Variants in HSD17B13 observed in about 807,000 individuals in gnomAD.
The protein encoded by HSD17B13 is 17-beta-hydroxysteroid dehydrogenase 13.
A neutral mutation model predicts 31.1 loss-of-function variants in HSD17B13; 26 were observed. The ratio of observed to expected loss-of-function variants is 0.84; its 90% confidence interval spans 0.61 to 1.16. The LOEUF (loss-of-function observed/expected upper bound fraction) is 1.16, where lower values mean the gene tolerates loss of function less well. HSD17B13 is among the 50% of genes most tolerant of loss of function. The pLI is 0.00. For synonymous variants in HSD17B13, 141 were observed against 133.7 expected (o/e 1.05, Z -0.38); for missense variants, 374 against 366.5 (o/e 1.02, Z -0.17).
At chr4:87,305,871 A>G (rs1428247783) in intron 6 of HSD17B13, among the ~76,000 whole-genome samples, 4 of 152,216 alleles carry the variant, frequency 2.6e-5, no homozygotes, top group African/African-American at 4.8e-5. Flanking sequence ...TTCTGATTAC[A>G]GCATCAAGAC....
chr4:87,315,012 A>G (rs1054661063), intron 4 of HSD17B13, among the ~76,000 whole-genome samples: 2 of 152,252 alleles, frequency 1.3e-5, no homozygotes, highest in African/African-American at 2.4e-5. Flanking sequence ...TGCTCTCAGC[A>G]TTGTAATCTT....
intron 2 of HSD17B13, among the ~76,000 whole-genome samples, chr4:87,317,562 A>ATTTTTTTTTT (rs1560750190): frequency 4.9e-5 from 3 of 61,020 alleles, no homozygotes; most frequent in Non-Finnish European, 9.1e-5. Flanking sequence ...TTTTCTTTAA[A>ATTTTTTTTTT]CTTTTTTTTT....
chr4:87,306,297 G>A (rs1188640592), intron 6 of HSD17B13, among the ~76,000 whole-genome samples: 1 of 152,140 alleles, frequency 6.6e-6, no homozygotes, highest in Non-Finnish European at 1.5e-5. Flanking sequence ...GATTAATCTT[G>A]ATGCTAAAAG....
At chr4:87,318,990 G>A (rs945532950) in intron 1 of HSD17B13, among the ~76,000 whole-genome samples, 2 of 151,876 alleles carry the variant, frequency 1.3e-5, no homozygotes, top group African/African-American at 4.8e-5. Context: ...AGACCAGTCT[G>A]GCCAAAATGG....
chr4:87,315,755 T>C lies in HSD17B13; in HGVS notation c.451-156A>G, dbSNP rs553248554. Among the ~76,000 whole-genome samples the C allele has an allele frequency of 6.6e-5, 10 of 152,246 alleles. No individual in the cohort carries two copies. In the East Asian group the frequency reaches 1.7e-3, roughly 26 times the overall value. ...CATTCCATGATTAATTCTTTACAAA[T>C]GATAGAAATAAAGATACAAATTTAT... On this transcript the variant is annotated intron_variant, in intron 3 of 6. Coordinates refer to ENST00000328546, the MANE Select transcript of HSD17B13 (RefSeq NM_178135.5).
At position 87,305,152 on chromosome 4, in the gene HSD17B13, T is replaced by C. The variant is rs1734358977; in HGVS notation, c.*66A>G. ...ACTGAAAAAATGTGAAATAAAGCTT[T>C]GCAGCATTGATTCGAAACTATTCAT... On this transcript the variant is annotated 3_prime_UTR_variant, in exon 7 of 7. Transcript: ENST00000328546. The C allele has an allele frequency of 9.7e-7, 1 of 1,025,834 alleles. No homozygotes were observed. The highest frequency in any genetic ancestry group is 2.4e-5 in the Admixed American group (1 of 41,394). 63.5% of individuals were successfully genotyped at this position (1,025,834 alleles called of 1,614,324 possible).
chr4:87,321,258 T>C (rs1428109547), intron 1 of HSD17B13, among the ~76,000 whole-genome samples: 1 of 152,122 alleles, frequency 6.6e-6, no homozygotes, highest in Non-Finnish European at 1.5e-5. Context: ...CTTGAACTCC[T>C]GGGCTCCAGC....
chr4:87,321,731 T>C (rs563168583), intron 1 of HSD17B13, among the ~76,000 whole-genome samples: 8 of 152,284 alleles, frequency 5.3e-5, no homozygotes, highest in African/African-American at 1.9e-4. Flanking sequence ...CAGAAAAGAA[T>C]TAGTTCTCTA....
chr4:87,304,781 A>T lies in HSD17B13; in HGVS notation c.*437T>A, dbSNP rs1734349338. 6.6e-6 allele frequency: 1 copy of T among 152,504 alleles called. No individual in the cohort carries two copies. Among genetic ancestry groups the T allele is most frequent in the Non-Finnish European group, 1.5e-5 (1 of 68,296 alleles). The allele number at this position is 152,504 out of a possible 1,614,324, so 9.4% of individuals were successfully genotyped here. A position where few individuals can be genotyped will look rare whatever the true frequency, so the allele number is the denominator to read the frequency against. On this transcript the variant is annotated 3_prime_UTR_variant, in exon 7 of 7. Coordinates refer to ENST00000328546, the MANE Select transcript of HSD17B13 (RefSeq NM_178135.5). The stretch of plus-strand genomic sequence containing the variant: ...AGATAAAGCTGCCTGCTGAAACTTG[A>T]TCTCTTAGCTGTGCACTCATTCTGT...
At position 87,313,944 on chromosome 4, in the gene HSD17B13, C is replaced by T. The variant is rs547498403; in HGVS notation, c.574G>A (p.Ala192Thr). Residue 192 changes from alanine to threonine, a missense_variant, in exon 5 of 7, where the codon GCT becomes ACT. By Grantham distance (58) the Ala-to-Thr change is moderately conservative. Coordinates refer to ENST00000328546, the MANE Select transcript of HSD17B13 (RefSeq NM_178135.5). ...GTCAGACCTCTGTGAAAGCCAACAG[C>T]GGCAAATTTGCTGGAACTGTAAGAG... ...LIPYCSSKFA[A>T]VGFHRGLTSE... is the part of the protein sequence containing the mutation. The T allele has an allele frequency of 1.0e-5, 16 of 1,564,280 alleles. No homozygotes were observed. Among genetic ancestry groups the T allele is most frequent in the Middle Eastern group, 1.7e-4 (1 of 5,850 alleles).
chr4:87,305,923 C>T (rs866065398), intron 6 of HSD17B13, among the ~76,000 whole-genome samples: 20 of 152,112 alleles, frequency 1.3e-4, no homozygotes, highest in Admixed American at 2.0e-4. Flanking sequence ...CGTCTTGCAG[C>T]GGAGTACGTT....
chr4:87,309,733 G>A (rs1734483697), intron 6 of HSD17B13, among the ~76,000 whole-genome samples: 1 of 152,192 alleles, frequency 6.6e-6, no homozygotes, highest in Admixed American at 6.5e-5. Context: ...GGCAGAGACA[G>A]TAGATTTGGT....
intron 5 of HSD17B13, among the ~76,000 whole-genome samples, chr4:87,313,051 C>T (rs1339451811): frequency 6.7e-6 from 1 of 149,884 alleles, no homozygotes; most frequent in East Asian, 2.0e-4. Flanking sequence ...CAGAGTGAGA[C>T]TCTGTCTCAA....
intron 6 of HSD17B13, 134 bp from the exon 7 acceptor site, chr4:87,305,442 C>A: frequency 4.2e-6 from 2 of 479,184 alleles, no homozygotes; most frequent in Non-Finnish European, 3.6e-6. Context: ...CTTTTCTTCT[C>A]TTGCAACCAC....
chr4:87,308,348 C>T (rs950885146), intron 6 of HSD17B13, among the ~76,000 whole-genome samples: 1 of 151,504 alleles, frequency 6.6e-6, no homozygotes, highest in Admixed American at 6.6e-5. Context: ...GTGAGACTGT[C>T]TCTACTAAAT....
chr4:87,317,307 C>A (rs1212134465), intron 2 of HSD17B13, 84 bp from the exon 3 acceptor site: 38 of 1,359,530 alleles, frequency 2.8e-5, no homozygotes, highest in Non-Finnish European at 3.7e-5. Context: ...AGATGAGAGT[C>A]TTTCTTCTAT....
intron 1 of HSD17B13, among the ~76,000 whole-genome samples, chr4:87,320,525 T>G (rs906762731): frequency 2.6e-5 from 4 of 151,240 alleles, no homozygotes; most frequent in African/African-American, 9.7e-5. Flanking sequence ...TAGCTGGGAC[T>G]ACAGGCGCCC....
chr4:87,314,057 G>A, intron 4 of HSD17B13, 97 bp from the exon 5 acceptor site: 1 of 963,962 alleles, frequency 1.0e-6, no homozygotes, highest in African/African-American at 1.7e-5. Flanking sequence ...AAGAACAAGT[G>A]GAAGCCAAAA....
chr4:87,321,721 CAG>C (rs1159634455), intron 1 of HSD17B13, among the ~76,000 whole-genome samples: 1 of 151,842 alleles, frequency 6.6e-6, no homozygotes, highest in Non-Finnish European at 1.5e-5. Context: ...AGAAAAAAAA[CAG>C]AAAAGAATTA....
Sources: allele counts gnomAD v4.1 joint callset (sites outside exome capture counted in the v4.1 genomes callset), GRCh38; gene constraint gnomAD v4.1.1; transcripts MANE v1.5; gene names NCBI Gene and HGNC (gene_info 2026-07-23, HGNC 2026-07-21).